Variants in JAZF1 observed in about 807,000 individuals in gnomAD.
The protein encoded by JAZF1 is JAZF zinc finger 1, also known as juxtaposed with another zinc finger protein 1.
In JAZF1, 8 loss-of-function variants were observed where a neutral mutation model predicts 26.4. The ratio of observed to expected loss-of-function variants is 0.30; its 90% CI spans 0.18 to 0.55. JAZF1 has a LOEUF of 0.55. JAZF1 is among the 20% of genes least tolerant of loss of function. The probability of loss-of-function intolerance (pLI) is 0.94; values close to 1 mark genes in which losing one functional copy is unlikely to be tolerated. For missense variants in JAZF1, 199 were observed against 322.0 expected (o/e 0.62, Z 2.92); for synonymous variants, 126 against 122.3 (o/e 1.03, Z -0.20).
intron 1 of JAZF1, among the ~76,000 whole-genome samples, chr7:28,028,387 A>G (rs1339554522): frequency 2.6e-5 from 4 of 152,228 alleles, no homozygotes; most frequent in Non-Finnish European, 5.9e-5. Context: ...GCTATTTCCA[A>G]AAAGGCACAA....
chr7:27,909,410 A>G (rs1378006010), intron 2 of JAZF1, among the ~76,000 whole-genome samples: 1 of 152,056 alleles, frequency 6.6e-6, no homozygotes, highest in Middle Eastern at 3.4e-3. Flanking sequence ...TTTCAAAAAA[A>G]AAAAACCCAC....
chr7:28,079,564 T>G (rs1444585708), intron 1 of JAZF1, among the ~76,000 whole-genome samples: 1 of 152,160 alleles, frequency 6.6e-6, no homozygotes, highest in Non-Finnish European at 1.5e-5. Context: ...TGAACAAAAA[T>G]GACCTGAGAG....
At chr7:27,896,321 TCCTA>T (rs548497283) in intron 2 of JAZF1, among the ~76,000 whole-genome samples, 159 of 152,028 alleles carry the variant, frequency 1.0e-3, no homozygotes, top group African/African-American at 3.5e-3. Flanking sequence ...AAATGGTATC[TCCTA>T]CCTAAAGAAC....
intron 1 of JAZF1, among the ~76,000 whole-genome samples, chr7:28,148,451 C>T (rs1336296315): frequency 6.6e-6 from 1 of 152,186 alleles, no homozygotes; most frequent in Non-Finnish European, 1.5e-5. Context: ...CATTATTGAA[C>T]CAATCCTCTC....
At chr7:28,125,749 TC>T (rs1196763731) in intron 1 of JAZF1, among the ~76,000 whole-genome samples, 1 of 152,186 alleles carries the variant, frequency 6.6e-6, no homozygotes, top group Non-Finnish European at 1.5e-5. Context: ...GTCCTCCCTG[TC>T]CCACCTCACC....
chr7:27,843,628 G>A (rs967519912), intron 3 of JAZF1: 4 of 152,270 alleles, frequency 2.6e-5, no homozygotes, highest in Non-Finnish European at 5.9e-5. Flanking sequence ...GGACCAGACA[G>A]GCCCCATCTG....
intron 3 of JAZF1, among the ~76,000 whole-genome samples, chr7:27,870,263 TG>T (rs1783558080): frequency 6.6e-6 from 1 of 151,970 alleles, no homozygotes; most frequent in African/African-American, 2.4e-5. Context: ...GCTCATTTCC[TG>T]GGGTCTTGGA....
At chr7:28,066,381 A>G (rs1457049716) in intron 1 of JAZF1, among the ~76,000 whole-genome samples, 1 of 152,032 alleles carries the variant, frequency 6.6e-6, no homozygotes, top group Non-Finnish European at 1.5e-5. Context: ...AGGCAGGGGG[A>G]TCACAAGGTC....
chr7:28,003,788 A>G (rs899944681), intron 1 of JAZF1, among the ~76,000 whole-genome samples: 1 of 152,120 alleles, frequency 6.6e-6, no homozygotes, highest in Admixed American at 6.5e-5. Context: ...CATCTCTCCT[A>G]TCTGCACTGA....
chr7:27,979,678 C>A (rs374554328), intron 2 of JAZF1, among the ~76,000 whole-genome samples: 3 of 152,118 alleles, frequency 2.0e-5, no homozygotes, highest in Non-Finnish European at 4.4e-5. Flanking sequence ...TTCTCAGTAA[C>A]CTTTTTATGG....
At chr7:27,937,760 T>C (rs1230360868) in intron 2 of JAZF1, among the ~76,000 whole-genome samples, 3 of 152,186 alleles carry the variant, frequency 2.0e-5, no homozygotes, top group African/African-American at 7.2e-5. Context: ...GAACTATCCA[T>C]TTAAACCTGT....
chr7:28,036,090 C>T (rs1395642619), intron 1 of JAZF1, among the ~76,000 whole-genome samples: 2 of 152,186 alleles, frequency 1.3e-5, no homozygotes, highest in African/African-American at 4.8e-5. Context: ...CAACTTTACT[C>T]AGTAAATTAT....
intron 3 of JAZF1, chr7:27,843,816 T>G (rs1782968060): frequency 6.6e-6 from 1 of 152,258 alleles, no homozygotes; most frequent in South Asian, 2.1e-4. Context: ...GCACTAAGGC[T>G]GTTGTGAAGA....
At chr7:27,838,144 A>C (rs960953931) in intron 4 of JAZF1, among the ~76,000 whole-genome samples, 1 of 151,984 alleles carries the variant, frequency 6.6e-6, no homozygotes, top group African/African-American at 2.4e-5. Flanking sequence ...AGAACTGCCC[A>C]TTCCCTGGGT....
At chr7:28,175,557 A>G (rs935055740) in intron 1 of JAZF1, among the ~76,000 whole-genome samples, 4 of 152,230 alleles carry the variant, frequency 2.6e-5, no homozygotes, top group African/African-American at 9.6e-5. Context: ...TAGTACGGTT[A>G]ATTTGCCCCT....
chr7:27,964,949 G>C (rs1785249439), intron 2 of JAZF1, among the ~76,000 whole-genome samples: 1 of 152,134 alleles, frequency 6.6e-6, no homozygotes. Context: ...TGACAGAGAA[G>C]AGTGTATGTT....
chr7:28,081,626 C>A (rs1784138951), intron 1 of JAZF1, among the ~76,000 whole-genome samples: 1 of 152,168 alleles, frequency 6.6e-6, no homozygotes, highest in South Asian at 2.1e-4. Context: ...TCCACCCTTT[C>A]CCCTTGTCCA....
intron 3 of JAZF1, among the ~76,000 whole-genome samples, chr7:27,881,611 T>C (rs1783773674): frequency 6.6e-6 from 1 of 152,158 alleles, no homozygotes; most frequent in Non-Finnish European, 1.5e-5. Context: ...GGTGGGGGCC[T>C]GCTCAAGATA....
At chr7:27,862,873 T>A (rs1166975310) in intron 3 of JAZF1, among the ~76,000 whole-genome samples, 1 of 152,228 alleles carries the variant, frequency 6.6e-6, no homozygotes, top group East Asian at 1.9e-4. Context: ...TTCTTTTTTC[T>A]AGCAAGAACA....
Sources: gnomAD v4.1 joint callset for allele counts (sites outside exome capture counted in the v4.1 genomes callset) on GRCh38, gnomAD v4.1.1 for gene constraint, MANE v1.5 for transcripts, NCBI Gene and HGNC (gene_info 2026-07-23, HGNC 2026-07-21) for gene names.